PIGN: variants seen among roughly 807,000 people sequenced by gnomAD.
PIGN encodes phosphatidylinositol glycan anchor biosynthesis class N, also known as GPI ethanolamine phosphate transferase 1.
PIGN carries 117 observed loss-of-function variants against 125.4 expected under a neutral mutation model. The observed-to-expected ratio is 0.93, with a 90% confidence interval of 0.80 to 1.09. PIGN has a LOEUF of 1.09. PIGN is among the 50% of genes least tolerant of loss of function. The probability of loss-of-function intolerance (pLI) is 0.00; values close to 1 mark genes in which losing one functional copy is unlikely to be tolerated. For synonymous variants in PIGN, 392 were observed against 377.8 expected (o/e 1.04, Z -0.44); for missense variants, 1,075 against 1,094.9 (o/e 0.98, Z 0.26).
chr18:62,139,361 G>A (rs944944864), intron 12 of PIGN, among the ~76,000 whole-genome samples: 6 of 152,122 alleles, frequency 3.9e-5, no homozygotes, highest in African/African-American at 7.2e-5. Context: ...AGTGCTTCAC[G>A]CACAAAAAAC....
rs2030386200 is a variant in PIGN, at chr18:62,041,672, T to TGTGG, written c.*4183_*4184insCCAC. The TGTGG allele has an allele frequency of 6.8e-6, 1 of 147,706 alleles. No homozygotes were observed. Among genetic ancestry groups the TGTGG allele is most frequent in the Admixed American group, 6.8e-5 (1 of 14,680 alleles). 9.1% of individuals were successfully genotyped at this position (147,706 alleles called of 1,614,324 possible). A position where few individuals can be genotyped will look rare whatever the true frequency, so the allele number is the denominator to read the frequency against. ...GTGTGTGTGTGTGTGTGTGTGTGTG[T>TGTGG]GTGTGTGTGTGTGTGTGTGTGTGTG... On this transcript the variant is annotated 3_prime_UTR_variant, in exon 31 of 31. Coordinates refer to ENST00000640252, the MANE Select transcript of PIGN (RefSeq NM_176787.5).
chr18:62,053,023 G>T, intron 30 of PIGN: 1 of 353,678 alleles, frequency 2.8e-6, no homozygotes, highest in Non-Finnish European at 5.1e-6. Flanking sequence ...AACTCAGTAA[G>T]TAAAAATCTG....
intron 1 of PIGN, among the ~76,000 whole-genome samples, chr18:62,185,735 TAAGA>T (rs1193342983): frequency 2.0e-5 from 3 of 152,234 alleles, no homozygotes; most frequent in Non-Finnish European, 2.9e-5. Flanking sequence ...ATAGGAGCCA[TAAGA>T]AATAGCAGTC....
At chr18:62,170,543 C>G (rs1301079773) in intron 1 of PIGN, among the ~76,000 whole-genome samples, 2 of 152,164 alleles carry the variant, frequency 1.3e-5, no homozygotes, top group African/African-American at 4.8e-5. Flanking sequence ...GACGGTTCCA[C>G]CAACTGGCCA....
chr18:62,126,025 A>G lies in PIGN; in HGVS notation c.1173-11386T>C, dbSNP rs576942235. Among the ~76,000 whole-genome samples, 3 of 152,222 alleles carry G rather than the reference A, an allele frequency of 2.0e-5. No homozygotes were observed. The South Asian group carries it at 6.2e-4, about 32-fold the overall frequency. On this transcript the variant is annotated intron_variant, in intron 14 of 30. Coordinates refer to ENST00000640252, the MANE Select transcript of PIGN (RefSeq NM_176787.5). ...TCAAGGGTTTTAGTAACCCAATTGT[A>G]TAACAGTTTACAATTAAAACAGCAT...
chr18:62,146,519 A>G lies in PIGN; in HGVS notation c.805+452T>C, dbSNP rs113895615. 2.0e-3 allele frequency among the ~76,000 whole-genome samples: 304 copies of G among 152,268 alleles called. 4 individuals carry two copies. The highest frequency in any genetic ancestry group is 7.1e-3 in the African/African-American group (295 of 41,564). ...GTGGAACTCAAATCACTAGAAATCC[A>G]TATTGTGATTTGGGGACAAATCTCA... On this transcript the variant is annotated intron_variant, in intron 9 of 30. Coordinates refer to ENST00000640252, the MANE Select transcript of PIGN (RefSeq NM_176787.5).
At chr18:62,085,549 G>A (rs1210289195) in intron 25 of PIGN, among the ~76,000 whole-genome samples, 1 of 151,986 alleles carries the variant, frequency 6.6e-6, no homozygotes, top group Non-Finnish European at 1.5e-5. Context: ...GACCATATCT[G>A]TAGTGGGCTG....
chr18:62,115,885 G>T (rs2035068462), intron 14 of PIGN, among the ~76,000 whole-genome samples: 1 of 152,090 alleles, frequency 6.6e-6, no homozygotes, highest in South Asian at 2.1e-4. Context: ...GACCGAGGTA[G>T]GAGGATCACT....
chr18:62,056,500 G>A (rs561369382), intron 30 of PIGN, among the ~76,000 whole-genome samples: 1 of 125,582 alleles, frequency 8.0e-6, no homozygotes, highest in African/African-American at 3.2e-5. Flanking sequence ...TCCCATCTCA[G>A]CAGATGACTC....
At chr18:62,093,867 A>C (rs1251166192) in intron 23 of PIGN, among the ~76,000 whole-genome samples, 1 of 152,122 alleles carries the variant, frequency 6.6e-6, no homozygotes, top group Non-Finnish European at 1.5e-5. Context: ...TTTGACACTG[A>C]GAAGATGTAC....
At chr18:62,055,795 A>C (rs1230414962) in intron 30 of PIGN, among the ~76,000 whole-genome samples, 2 of 151,868 alleles carry the variant, frequency 1.3e-5, no homozygotes, top group African/African-American at 4.8e-5. Flanking sequence ...ATTTGGCTAA[A>C]GGGCATAGGT....
At chr18:62,145,019 G>A (rs915157564) in intron 10 of PIGN, among the ~76,000 whole-genome samples, 2 of 151,038 alleles carry the variant, frequency 1.3e-5, no homozygotes, top group Non-Finnish European at 3.0e-5. Flanking sequence ...GGGGGGGGGG[G>A]GGCAGGGTGG....
intron 23 of PIGN, among the ~76,000 whole-genome samples, chr18:62,023,984 A>G (rs779916482): frequency 2.2e-4 from 33 of 152,248 alleles, no homozygotes; most frequent in Admixed American, 4.6e-4. Flanking sequence ...TAACTAAAGC[A>G]TAGCGGCTGA....
chr18:62,087,777 A>C (rs1344740993), intron 25 of PIGN, among the ~76,000 whole-genome samples: 1 of 152,216 alleles, frequency 6.6e-6, no homozygotes, highest in Non-Finnish European at 1.5e-5. Flanking sequence ...TATCCAAAAC[A>C]TACGAGGAAC....
intron 7 of PIGN, chr18:62,153,608 A>G (rs2036615628): frequency 6.6e-6 from 1 of 152,210 alleles, no homozygotes; most frequent in Non-Finnish European, 1.5e-5. Flanking sequence ...ATTTTCTTAC[A>G]CAGATTTTAT....
At chr18:62,101,282 TG>T in intron 21 of PIGN, 99 bp from the exon 22 acceptor site, 1 of 698,546 alleles carries the variant, frequency 1.4e-6, no homozygotes, top group Non-Finnish European at 2.5e-6. Flanking sequence ...CATTAAAATG[TG>T]GAAAAAATGT....
At chr18:62,101,256 A>G (rs995723899) in intron 21 of PIGN, 73 bp from the exon 22 acceptor site, 5 of 826,038 alleles carry the variant, frequency 6.1e-6, no homozygotes, top group Non-Finnish European at 1.0e-5. Flanking sequence ...AATGTAAGAC[A>G]TTCTTATTTC....
At chr18:62,087,009 T>C (rs2033737707) in intron 25 of PIGN, among the ~76,000 whole-genome samples, 2 of 152,232 alleles carry the variant, frequency 1.3e-5, no homozygotes, top group South Asian at 2.1e-4. Context: ...TTGGGACACA[T>C]ATTTGGTGAT....
chr18:62,154,105 C>T (rs113557328), intron 7 of PIGN: 6,368 of 165,478 alleles, frequency 0.038, 434 homozygotes, highest in African/African-American at 0.14. Flanking sequence ...TTGTTTTTGC[C>T]TATATAATCT....
Sources: allele counts gnomAD v4.1 joint callset (sites outside exome capture counted in the v4.1 genomes callset), GRCh38; gene constraint gnomAD v4.1.1; transcripts MANE v1.5; gene names NCBI Gene and HGNC (gene_info 2026-07-23, HGNC 2026-07-21).